The following GRID1 variants were observed in gnomAD, a reference collection of about 807,000 sequenced individuals.
GRID1 encodes the protein glutamate ionotropic receptor delta type subunit 1, also known as glutamate receptor ionotropic, delta-1.
GRID1 carries 28 observed loss-of-function variants against 98.0 expected under a neutral mutation model. The ratio of observed to expected loss-of-function variants is 0.29; its 90% CI spans 0.21 to 0.39. The LOEUF is 0.39. Ranked by LOEUF, GRID1 falls within the 10% of genes least tolerant of loss-of-function variation. The pLI, the probability that GRID1 is intolerant of heterozygous loss-of-function variation, is 1.00. For missense variants in GRID1, 1,111 were observed against 1,340.5 expected (o/e 0.83, Z 2.67); for synonymous variants, 553 against 538.5 (o/e 1.03, Z -0.37).
chr10:85,737,660 AT>A lies in GRID1; in HGVS notation c.1234-8047del, dbSNP rs1564575077. 1.2e-4 allele frequency among the ~76,000 whole-genome samples: 16 copies of A among 133,074 alleles called. 2 individuals are homozygous for A. Among genetic ancestry groups the A allele is most frequent in the Non-Finnish European group, 2.4e-4 (15 of 62,306 alleles). The allele number at this position is 133,074 out of a possible 152,430, so 87.3% of individuals were successfully genotyped here. ...AGTAAAGCCAGATATATATATATAT[AT>A]ATATATATATATAAACATATATGGT... On this transcript the variant is annotated intron_variant, in intron 8 of 15. Coordinates refer to ENST00000327946, the MANE Select transcript of GRID1 (RefSeq NM_017551.3).
chr10:85,637,840 G>C (rs1187266080), intron 13 of GRID1, among the ~76,000 whole-genome samples: 1 of 151,996 alleles, frequency 6.6e-6, no homozygotes, highest in Non-Finnish European at 1.5e-5. Flanking sequence ...CCCCGCTCTG[G>C]GCATCCATAT....
At chr10:85,767,460 A>G (rs1028371863) in intron 8 of GRID1, among the ~76,000 whole-genome samples, 10 of 152,200 alleles carry the variant, frequency 6.6e-5, no homozygotes, top group African/African-American at 2.4e-4. Flanking sequence ...TAAATAGCAT[A>G]TCTAATATAC....
intron 2 of GRID1, among the ~76,000 whole-genome samples, chr10:86,355,903 T>C (rs946710009): frequency 5.3e-5 from 8 of 151,970 alleles, no homozygotes; most frequent in African/African-American, 1.9e-4. Context: ...GGGCAAGACG[T>C]GGGAGTCTAT....
At position 86,061,138 on chromosome 10, in the gene GRID1, TCA is replaced by T. The variant is rs137961748; in HGVS notation, c.726+77679_726+77680del. Among the ~76,000 whole-genome samples, 472 of 152,188 alleles carry T rather than the reference TCA, an allele frequency of 3.1e-3. 1 individual carries two copies. The highest frequency in any genetic ancestry group is 0.02 in the Middle Eastern group (6 of 294). On this transcript the variant is annotated intron_variant, in intron 4 of 15. Coordinates refer to ENST00000327946, the MANE Select transcript of GRID1 (RefSeq NM_017551.3). ...GTACTCTACAGGCTTCACTTTCCAC[TCA>T]CATCTGCAGCACTGGCATCTTTCTC...
At chr10:86,040,510 T>TAAAAA (rs3057696) in intron 4 of GRID1, among the ~76,000 whole-genome samples, 12 of 103,264 alleles carry the variant, frequency 1.2e-4, no homozygotes, top group East Asian at 5.7e-4. Context: ...ACTCATATCT[T>TAAAAA]AAAAAAAAAA....
At chr10:86,177,080 C>T (rs1324162045) in intron 3 of GRID1, among the ~76,000 whole-genome samples, 1 of 151,932 alleles carries the variant, frequency 6.6e-6, no homozygotes, top group Admixed American at 6.6e-5. Context: ...GCCCCCACCC[C>T]CTACAGCAGC....
intron 4 of GRID1, among the ~76,000 whole-genome samples, chr10:86,114,988 T>C (rs1844552451): frequency 6.6e-6 from 1 of 152,220 alleles, no homozygotes; most frequent in South Asian, 2.1e-4. Context: ...TATTGGCCCA[T>C]GTATCTTCCC....
intron 8 of GRID1, among the ~76,000 whole-genome samples, chr10:85,828,066 A>C (rs1426685509): frequency 6.6e-6 from 1 of 152,168 alleles, no homozygotes; most frequent in East Asian, 1.9e-4. Context: ...TTAAAAAAAA[A>C]TGAAATCATA....
chr10:85,738,920 C>T (rs1480339456), intron 8 of GRID1, among the ~76,000 whole-genome samples: 1 of 152,064 alleles, frequency 6.6e-6, no homozygotes, highest in Non-Finnish European at 1.5e-5. Context: ...TTTGAATGGC[C>T]TGGTGCTTAC....
chr10:86,257,336 T>C (rs768962474), intron 2 of GRID1, among the ~76,000 whole-genome samples: 1 of 152,210 alleles, frequency 6.6e-6, no homozygotes, highest in Non-Finnish European at 1.5e-5. Context: ...AGGATATTGA[T>C]TGCTACTGAT....
intron 12 of GRID1, among the ~76,000 whole-genome samples, chr10:85,716,135 G>A (rs1841636301): frequency 6.6e-6 from 1 of 152,076 alleles, no homozygotes; most frequent in Non-Finnish European, 1.5e-5. Flanking sequence ...TTGAACTCCT[G>A]ACCTCAGGTG....
intron 2 of GRID1, among the ~76,000 whole-genome samples, chr10:86,228,319 G>A (rs1457730136): frequency 1.3e-5 from 2 of 149,318 alleles, no homozygotes; most frequent in African/African-American, 5.0e-5. Context: ...GGGGTGGGTG[G>A]GGTGAATGGG....
intron 8 of GRID1, among the ~76,000 whole-genome samples, chr10:85,750,788 A>G (rs184866042): frequency 7.8e-4 from 119 of 152,304 alleles, no homozygotes; most frequent in African/African-American, 2.8e-3. Context: ...AAAGTAATGC[A>G]CAAAGATGAT....
At chr10:85,925,406 C>A (rs1220682020) in intron 4 of GRID1, among the ~76,000 whole-genome samples, 3 of 152,150 alleles carry the variant, frequency 2.0e-5, no homozygotes, top group Non-Finnish European at 4.4e-5. Context: ...TTATGCCCAC[C>A]CTGGTTTGGC....
chr10:85,774,391 T>A (rs939933295), intron 8 of GRID1, among the ~76,000 whole-genome samples: 9 of 152,106 alleles, frequency 5.9e-5, no homozygotes, highest in African/African-American at 2.2e-4. Flanking sequence ...AACCTAGGCA[T>A]TACCATTCAG....
rs768515790 is a variant in GRID1 at position 86,004,394 on chromosome 10, G to T, written c.727-88155C>A. On this transcript the variant is annotated intron_variant, in intron 4 of 15. Coordinates refer to ENST00000327946, the MANE Select transcript of GRID1 (RefSeq NM_017551.3). ...TATGTAAACTTAGATGGGCCACAAT[G>T]TCCAGATACTTGGTCAAACATTCTG... 4.6e-5 allele frequency among the ~76,000 whole-genome samples: 7 copies of T among 152,196 alleles called. No homozygotes were observed. In the South Asian group the frequency reaches 1.5e-3, roughly 32 times the overall value.
chr10:86,140,615 G>A (rs1314724360), intron 3 of GRID1, among the ~76,000 whole-genome samples: 1 of 152,194 alleles, frequency 6.6e-6, no homozygotes, highest in Non-Finnish European at 1.5e-5. Context: ...GAGGGTGCTG[G>A]GGGCTGTGCA....
chr10:85,614,542 T>C (rs1342474621), intron 14 of GRID1, among the ~76,000 whole-genome samples: 3 of 152,166 alleles, frequency 2.0e-5, no homozygotes, highest in Non-Finnish European at 4.4e-5. Context: ...CCAAAAGTCA[T>C]TATGAGGCTG....
intron 4 of GRID1, among the ~76,000 whole-genome samples, chr10:86,061,281 T>C (rs971457987): frequency 3.3e-5 from 5 of 152,164 alleles, no homozygotes; most frequent in African/African-American, 9.7e-5. Context: ...GCTCCCACTA[T>C]AGTTCCACGT....
Sources: allele counts gnomAD v4.1 joint callset (sites outside exome capture counted in the v4.1 genomes callset), GRCh38; gene constraint gnomAD v4.1.1; transcripts MANE v1.5; gene names NCBI Gene and HGNC (gene_info 2026-07-23, HGNC 2026-07-21).